Variants in RTN4IP1 observed in about 807,000 individuals in gnomAD.
RTN4IP1 encodes the protein reticulon 4 interacting protein 1.
In RTN4IP1, 32 loss-of-function variants were observed where a neutral mutation model predicts 46.6. The ratio of observed to expected loss-of-function variants is 0.69; its 90% CI spans 0.52 to 0.92. The LOEUF is 0.92. Ranked by LOEUF, RTN4IP1 falls within the 40% of genes least tolerant of loss-of-function variation. RTN4IP1 has a pLI of 0.00. For missense variants in RTN4IP1, 424 were observed against 485.8 expected, an observed-to-expected ratio of 0.87 and a Z score of 1.20; for synonymous variants, 167 against 161.8, an observed-to-expected ratio of 1.03 and a Z score of -0.24.
In RTN4IP1 at chr6:106,570,948, A is replaced by C. The variant is rs962655640; in HGVS notation, c.*1048T>G. On this transcript the variant is annotated 3_prime_UTR_variant, in exon 9 of 9. Coordinates refer to ENST00000369063, the MANE Select transcript of RTN4IP1 (RefSeq NM_032730.5). ...AATACTGAGGATGAGTATATTAGGA[A>C]GTAAAAACACTTACCGTAAATGAAT... 3 of 152,214 alleles carry C rather than the reference A, an allele frequency of 2.0e-5. No homozygotes were observed. The allele number at this position is 152,214 out of a possible 1,614,324, so 9.4% of individuals were successfully genotyped here.
intron 3 of RTN4IP1, among the ~76,000 whole-genome samples, chr6:106,620,224 C>T (rs907179078): frequency 6.6e-6 from 1 of 152,126 alleles, no homozygotes. Context: ...CCTGCCTCAG[C>T]CTCCCAAGTA....
chr6:106,619,999 T>A (rs1776447729), intron 3 of RTN4IP1, among the ~76,000 whole-genome samples: 1 of 152,160 alleles, frequency 6.6e-6, no homozygotes, highest in African/African-American at 2.4e-5. Flanking sequence ...CTTCCCTTAT[T>A]ATAAGAATAC....
At chr6:106,575,191 T>C (rs1365923322) in intron 8 of RTN4IP1, among the ~76,000 whole-genome samples, 4 of 152,214 alleles carry the variant, frequency 2.6e-5, no homozygotes, top group Non-Finnish European at 4.4e-5. Context: ...ATGACGCTGC[T>C]ATAGTCCACC....
At chr6:106,608,709 A>G (rs1776146944) in intron 4 of RTN4IP1, among the ~76,000 whole-genome samples, 1 of 152,232 alleles carries the variant, frequency 6.6e-6, no homozygotes, top group East Asian at 1.9e-4. Context: ...TCAGTTATAG[A>G]ACCTTCAGAG....
intron 8 of RTN4IP1, among the ~76,000 whole-genome samples, chr6:106,574,052 G>A (rs1035482491): frequency 6.6e-6 from 1 of 152,234 alleles, no homozygotes; most frequent in East Asian, 1.9e-4. Flanking sequence ...CTTGTGAGAC[G>A]AAGCCTATTT....
intron 5 of RTN4IP1, among the ~76,000 whole-genome samples, chr6:106,593,693 T>C (rs1016089009): frequency 6.6e-6 from 1 of 152,236 alleles, no homozygotes; most frequent in Non-Finnish European, 1.5e-5. Context: ...AACTTATTCA[T>C]AATCTTACCC....
intron 4 of RTN4IP1, among the ~76,000 whole-genome samples, chr6:106,605,816 C>CAAAAAAAAA (rs60568175): frequency 2.2e-4 from 1 of 4,492 alleles, no homozygotes; most frequent in African/African-American, 5.9e-4. Context: ...GACTCTGTCC[C>CAAAAAAAAA]AAAAAAAAAA....
chr6:106,612,789 T>C (rs1776259543), intron 4 of RTN4IP1, among the ~76,000 whole-genome samples: 1 of 151,984 alleles, frequency 6.6e-6, no homozygotes, highest in Admixed American at 6.6e-5. Context: ...ACCCCATCAT[T>C]CTCTTTAAAT....
intron 4 of RTN4IP1, among the ~76,000 whole-genome samples, chr6:106,607,976 G>A (rs1028826551): frequency 3.3e-5 from 5 of 152,114 alleles, no homozygotes; most frequent in Non-Finnish European, 7.4e-5. Flanking sequence ...TCCTACTACT[G>A]AGTATTTATC....
Position 106,571,836 on chromosome 6 carries a change from C to A in RTN4IP1, c.*160G>T. ...AATCCAAGTGCTGATATTTTTATAT[C>A]AATTACTGGCCAAAATGGTGTGTTT... On this transcript the variant is annotated 3_prime_UTR_variant, in exon 9 of 9. Coordinates refer to ENST00000369063, the MANE Select transcript of RTN4IP1 (RefSeq NM_032730.5). 2.1e-5 allele frequency: 11 copies of A among 511,914 alleles called. No individual in the cohort carries two copies. The highest frequency in any genetic ancestry group is 3.4e-5 in the East Asian group (1 of 29,120). 31.7% of individuals were successfully genotyped at this position (511,914 alleles called of 1,614,324 possible).
chr6:106,600,132 T>C (rs909034400), intron 5 of RTN4IP1, among the ~76,000 whole-genome samples: 1 of 152,060 alleles, frequency 6.6e-6, no homozygotes, highest in Non-Finnish European at 1.5e-5. Context: ...ACAGGAAGCC[T>C]CCAGCACCAT....
At chr6:106,593,146 G>A (rs368442978) in intron 5 of RTN4IP1, among the ~76,000 whole-genome samples, 2 of 152,072 alleles carry the variant, frequency 1.3e-5, no homozygotes, top group Non-Finnish European at 2.9e-5. Flanking sequence ...ATATGAAAAG[G>A]TTCTCTTAAA....
In RTN4IP1 at chr6:106,578,541, A is replaced by G. The variant is rs372454457; in HGVS notation, c.1083+4787T>C. 3.9e-5 allele frequency among the ~76,000 whole-genome samples: 6 copies of G among 152,368 alleles called. No individual in the cohort carries two copies. In the East Asian group the frequency reaches 9.6e-4, roughly 24 times the overall value. ...TTTGTGCTTAGGAGAAAATGCCAAT[A>G]AACTGTAGGCATGAGGCACGTCAGT... On this transcript the variant is annotated intron_variant, in intron 8 of 8. Coordinates refer to ENST00000369063, the MANE Select transcript of RTN4IP1 (RefSeq NM_032730.5).
chr6:106,591,766 AG>A (rs1196932031), intron 6 of RTN4IP1, among the ~76,000 whole-genome samples: 20 of 152,258 alleles, frequency 1.3e-4, no homozygotes, highest in Admixed American at 4.6e-4. Context: ...GTTTCTCTTA[AG>A]CCTTTTTTAA....
chr6:106,629,296 A>C lies in RTN4IP1; in HGVS notation c.-275T>G. The C allele has an allele frequency of 2.0e-6, 1 of 505,128 alleles. No homozygotes were observed. The highest frequency in any genetic ancestry group is 2.9e-5 in the South Asian group (1 of 34,290). 31.3% of individuals were successfully genotyped at this position (505,128 alleles called of 1,614,324 possible). ...CCTCACTTTCACCCCCTCCACTTTAAAAAAAAAAGGGGGGGCGGGGCATTA... is the reference window on the plus strand; with the variant it reads ...CCTCACTTTCACCCCCTCCACTTTACAAAAAAAAGGGGGGGCGGGGCATTA... On this transcript the variant is annotated 5_prime_UTR_variant, in exon 1 of 9. Coordinates refer to ENST00000369063, the MANE Select transcript of RTN4IP1 (RefSeq NM_032730.5).
At chr6:106,606,740 T>G (rs1272749645) in intron 4 of RTN4IP1, among the ~76,000 whole-genome samples, 2 of 151,818 alleles carry the variant, frequency 1.3e-5, no homozygotes, top group Non-Finnish European at 2.9e-5. Context: ...ACATATAAAT[T>G]AAATAAATAA....
At chr6:106,588,245 G>C (rs1250667933) in intron 6 of RTN4IP1, among the ~76,000 whole-genome samples, 1 of 152,186 alleles carries the variant, frequency 6.6e-6, no homozygotes, top group Non-Finnish European at 1.5e-5. Context: ...GAGAAACTAA[G>C]GTTGCCAAGG....
At chr6:106,580,457 G>A (rs1252110544) in intron 8 of RTN4IP1, among the ~76,000 whole-genome samples, 1 of 152,064 alleles carries the variant, frequency 6.6e-6, no homozygotes, top group Non-Finnish European at 1.5e-5. Context: ...AGTGGCTCAT[G>A]TCTGTAATCC....
rs1158289841 is a variant in RTN4IP1 at position 106,601,306 on chromosome 6, TGGATA to T, written c.669+1563_669+1567del. Among the ~76,000 whole-genome samples the T allele has an allele frequency of 2.0e-5, 3 of 152,120 alleles. No individual in the cohort carries two copies. The East Asian group carries it at 5.8e-4, about 29-fold the overall frequency. On this transcript the variant is annotated intron_variant, in intron 5 of 8. Transcript: ENST00000369063. ...AGTTATAAGAGTTCTTTATATATTC[TGGATA>T]CTAGACTCTTACCAGAAAATGATAT...
Sources: allele counts gnomAD v4.1 joint callset (sites outside exome capture counted in the v4.1 genomes callset), GRCh38; gene constraint gnomAD v4.1.1; transcripts MANE v1.5; gene names NCBI Gene and HGNC (gene_info 2026-07-23, HGNC 2026-07-21).